MALRD1: variants seen among roughly 807,000 people sequenced by gnomAD.
MALRD1 encodes MAM and LDL receptor class A domain containing 1, also known as MAM and LDL-receptor class A domain-containing protein 1.
A neutral mutation model predicts 242.1 loss-of-function variants in MALRD1; 247 were observed. That is an observed-to-expected ratio of 1.02 (90% CI 0.92 to 1.13). The LOEUF is 1.13. MALRD1 is among the 50% of genes most tolerant of loss of function. MALRD1 has a pLI of 0.00. For missense variants in MALRD1, 2,989 were observed against 2,533.1 expected (o/e 1.18, Z -3.86); for synonymous variants, 995 against 866.6 (o/e 1.15, Z -2.60).
At chr10:19,664,332 G>A (rs985077742) in intron 36 of MALRD1, among the ~76,000 whole-genome samples, 4 of 151,700 alleles carry the variant, frequency 2.6e-5, no homozygotes, top group Non-Finnish European at 4.4e-5. Flanking sequence ...TTGTGACAGT[G>A]GTTTCAAAAT....
At chr10:19,508,297 A>G (rs1328298848) in intron 31 of MALRD1, among the ~76,000 whole-genome samples, 2 of 152,066 alleles carry the variant, frequency 1.3e-5, no homozygotes, top group Non-Finnish European at 2.9e-5. Context: ...ATTTAGAGGA[A>G]GAGATCTGAC....
chr10:19,122,686 T>G (rs1837104940), intron 5 of MALRD1, among the ~76,000 whole-genome samples: 1 of 151,970 alleles, frequency 6.6e-6, no homozygotes, highest in African/African-American at 2.4e-5. Flanking sequence ...TACCTTCAAG[T>G]CTTATATTGG....
intron 26 of MALRD1, among the ~76,000 whole-genome samples, chr10:19,354,246 A>C (rs1159440799): frequency 6.6e-6 from 1 of 152,186 alleles, no homozygotes; most frequent in Non-Finnish European, 1.5e-5. Context: ...TTAAGGGCAC[A>C]GATGAATCAT....
intron 14 of MALRD1, among the ~76,000 whole-genome samples, chr10:19,198,415 T>C (rs1481332076): frequency 1.3e-5 from 2 of 152,208 alleles, no homozygotes; most frequent in Non-Finnish European, 1.5e-5. Flanking sequence ...CCTAAACTTA[T>C]GGAACTAAAA....
chr10:19,165,794 C>T lies in MALRD1; in HGVS notation c.1814C>T (p.Ser605Phe). ...GATCTCATTGCAGAAGCGGGAGAATCTACTCTACCTTTTCAGGTAAGCACA... is the reference window on the plus strand; with the variant it reads ...GATCTCATTGCAGAAGCGGGAGAATTTACTCTACCTTTTCAGGTAAGCACA... ...KIDLIAEAGE[S>F]TLPFQLILEA... The change falls in exon 13 of 40, where the codon TCT (serine) becomes TTT (phenylalanine). Residue 605 changes from serine to phenylalanine, a missense_variant. Transcript: ENST00000454679. 1 of 1,231,692 alleles carries T rather than the reference C, an allele frequency of 8.1e-7. No individual in the cohort carries two copies. Among genetic ancestry groups the T allele is most frequent in the Non-Finnish European group, 1.0e-6 (1 of 987,944 alleles). 76.3% of individuals were successfully genotyped at this position (1,231,692 alleles called of 1,614,324 possible).
In MALRD1 at chr10:19,690,763, C is replaced by T. The variant is rs903288706; in HGVS notation, c.6138-1519C>T. ...ATATATATACATTTAGATAAATAGG[C>T]AGTGTAGATAATAGATAGATGGATA... On this transcript the variant is annotated intron_variant, in intron 36 of 39. Coordinates refer to ENST00000454679, the MANE Select transcript of MALRD1 (RefSeq NM_001142308.3). Among the ~76,000 whole-genome samples the T allele has an allele frequency of 4.0e-5, 6 of 151,738 alleles. No individual in the cohort carries two copies. In the East Asian group the frequency reaches 1.2e-3, roughly 29 times the overall value.
At chr10:19,380,629 T>C (rs1845796707) in intron 26 of MALRD1, among the ~76,000 whole-genome samples, 1 of 152,114 alleles carries the variant, frequency 6.6e-6, no homozygotes, top group Admixed American at 6.6e-5. Context: ...CCATACATAA[T>C]ATTATAAGGT....
intron 26 of MALRD1, among the ~76,000 whole-genome samples, 170 bp from the exon 27 acceptor site, chr10:19,387,358 A>G (rs1190454910): frequency 6.6e-6 from 1 of 150,474 alleles, no homozygotes. Context: ...TCTATAGGTT[A>G]GAGCTCTGGA....
At chr10:19,386,080 C>A (rs1431456566) in intron 26 of MALRD1, among the ~76,000 whole-genome samples, 4 of 152,094 alleles carry the variant, frequency 2.6e-5, no homozygotes, top group Non-Finnish European at 5.9e-5. Flanking sequence ...TTGCCAGAAG[C>A]CTTCATAATA....
intron 21 of MALRD1, among the ~76,000 whole-genome samples, chr10:19,322,529 G>A (rs1389764346): frequency 1.3e-5 from 2 of 151,978 alleles, no homozygotes; most frequent in East Asian, 3.9e-4. Context: ...CACCATACAT[G>A]GAACTGTCTC....
At chr10:19,233,804 TTCCAACA>T (rs1335164296) in intron 18 of MALRD1, among the ~76,000 whole-genome samples, 1 of 151,904 alleles carries the variant, frequency 6.6e-6, no homozygotes, top group Admixed American at 6.6e-5. Context: ...TTAGGTTATA[TTCCAACA>T]TGTTTATATT....
intron 34 of MALRD1, among the ~76,000 whole-genome samples, chr10:19,606,907 A>C (rs1249266373): frequency 6.6e-6 from 1 of 152,166 alleles, no homozygotes; most frequent in Non-Finnish European, 1.5e-5. Context: ...TAAAGAAAGG[A>C]AGAACATAAT....
intron 28 of MALRD1, among the ~76,000 whole-genome samples, chr10:19,444,409 G>T (rs988888375): frequency 2.6e-5 from 4 of 152,142 alleles, no homozygotes; most frequent in Admixed American, 2.0e-4. Context: ...AGCATCGATG[G>T]TCTTTACAAT....
chr10:19,597,880 A>G (rs1838176718), intron 34 of MALRD1, among the ~76,000 whole-genome samples: 1 of 152,216 alleles, frequency 6.6e-6, no homozygotes, highest in Non-Finnish European at 1.5e-5. Flanking sequence ...CATTGGACGA[A>G]TAAAGCAGAG....
At chr10:19,119,689 T>A (rs1481005308) in intron 5 of MALRD1, among the ~76,000 whole-genome samples, 1 of 152,184 alleles carries the variant, frequency 6.6e-6, no homozygotes, top group Non-Finnish European at 1.5e-5. Context: ...TCTTGTAGCC[T>A]CCAGCTGCAT....
rs985176469 is a variant in MALRD1 at position 19,130,006 on chromosome 10, A to G, written c.1110+1619A>G. Among the ~76,000 whole-genome samples the G allele has an allele frequency of 2.6e-5, 4 of 151,828 alleles. No homozygotes were observed. In the East Asian group the frequency reaches 7.7e-4, roughly 29 times the overall value. ...CATATAGATATATAAAGTAATATACATATGTATATAAATTCTTTTTTAATT... is the reference window on the plus strand; with the variant it reads ...CATATAGATATATAAAGTAATATACGTATGTATATAAATTCTTTTTTAATT... On this transcript the variant is annotated intron_variant, in intron 8 of 39. Transcript: ENST00000454679.
At chr10:19,270,202 G>C (rs1437176344) in intron 19 of MALRD1, among the ~76,000 whole-genome samples, 2 of 152,112 alleles carry the variant, frequency 1.3e-5, no homozygotes, top group South Asian at 2.1e-4. Flanking sequence ...TGTAATCCCA[G>C]CTACTCAGGA....
intron 30 of MALRD1, among the ~76,000 whole-genome samples, chr10:19,496,896 T>G (rs146363224): frequency 1.3e-5 from 2 of 152,242 alleles, no homozygotes; most frequent in African/African-American, 4.8e-5. Context: ...TCAATAGCAG[T>G]GTTTTCATAA....
At chr10:19,300,952 ACT>A (rs1276997988) in intron 21 of MALRD1, among the ~76,000 whole-genome samples, 2 of 151,962 alleles carry the variant, frequency 1.3e-5, no homozygotes, top group Non-Finnish European at 2.9e-5. Flanking sequence ...ATATTTGCAA[ACT>A]CTGCATTGGC....
Sources: allele counts gnomAD v4.1 joint callset (sites outside exome capture counted in the v4.1 genomes callset), GRCh38; gene constraint gnomAD v4.1.1; transcripts MANE v1.5; gene names NCBI Gene and HGNC (gene_info 2026-07-23, HGNC 2026-07-21).